The following MACROD2 variants were observed in gnomAD, a reference collection of about 807,000 sequenced individuals.
MACROD2 encodes the protein ADP-ribose glycohydrolase MACROD2.
Under a neutral mutation model 70.4 loss-of-function variants are expected in MACROD2, and 36 were observed. That is an observed-to-expected ratio of 0.51 (90% CI 0.39 to 0.68). MACROD2 has a LOEUF of 0.68. MACROD2 is among the 30% of genes least tolerant of loss of function. The probability of loss-of-function intolerance (pLI) is 0.00; values close to 1 mark genes in which losing one functional copy is unlikely to be tolerated. For missense variants in MACROD2, 496 were observed against 538.4 expected, an observed-to-expected ratio of 0.92 and a Z score of 0.78; for synonymous variants, 172 against 178.8, an observed-to-expected ratio of 0.96 and a Z score of 0.30.
At chr20:14,228,222 G>A (rs1004792371) in intron 3 of MACROD2, among the ~76,000 whole-genome samples, 4 of 151,856 alleles carry the variant, frequency 2.6e-5, no homozygotes, top group Non-Finnish European at 5.9e-5. Flanking sequence ...AGACAATAAA[G>A]CAAGTGAAGT....
chr20:15,031,493 T>A (rs922427054), intron 5 of MACROD2, among the ~76,000 whole-genome samples: 5 of 152,054 alleles, frequency 3.3e-5, no homozygotes, highest in African/African-American at 1.2e-4. Flanking sequence ...ACAGAACAGC[T>A]CTCAGGAAAC....
At chr20:14,869,464 C>A (rs1397393753) in intron 5 of MACROD2, among the ~76,000 whole-genome samples, 1 of 152,108 alleles carries the variant, frequency 6.6e-6, no homozygotes, top group Non-Finnish European at 1.5e-5. Flanking sequence ...CCCACAAAAT[C>A]ATTAGTGATG....
intron 8 of MACROD2, among the ~76,000 whole-genome samples, chr20:15,526,876 G>T (rs568130193): frequency 6.6e-6 from 1 of 152,242 alleles, no homozygotes; most frequent in Non-Finnish European, 1.5e-5. Context: ...GTCAATGAAA[G>T]ATGTGCAGTC....
At position 14,379,202 on chromosome 20, in the gene MACROD2, G is replaced by A. The variant is rs147475386; in HGVS notation, c.272-114277G>A. The stretch of plus-strand genomic sequence containing the variant: ...ATAGGTTAAATAACTTACCAGGGTC[G>A]TATAATTAGAAAGAGGTGGAGCCAC... On this transcript the variant is annotated intron_variant, in intron 3 of 17. Transcript: ENST00000684519. 1.7e-4 allele frequency among the ~76,000 whole-genome samples: 26 copies of A among 152,260 alleles called. No individual in the cohort carries two copies. In the East Asian group the frequency reaches 4.1e-3, roughly 24 times the overall value.
intron 5 of MACROD2, among the ~76,000 whole-genome samples, chr20:15,186,687 T>G (rs1392883890): frequency 6.6e-6 from 1 of 152,188 alleles, no homozygotes; most frequent in Non-Finnish European, 1.5e-5. Flanking sequence ...TTTTTATTGT[T>G]CACTAACTAC....
intron 3 of MACROD2, among the ~76,000 whole-genome samples, chr20:14,424,874 T>C (rs2065636): frequency 0.99 from 150,617 of 152,308 alleles, 74,495 homozygotes; most frequent in East Asian, 1. Context: ...AGTAGATCAT[T>C]TTAGAGGAAC....
At position 14,941,549 on chromosome 20, in the gene MACROD2, A is replaced by C. The variant is rs377568113; in HGVS notation, c.418+256590A>C. Among the ~76,000 whole-genome samples the C allele has an allele frequency of 1.4e-3, 213 of 152,272 alleles. 1 individual carries two copies. The highest frequency in any genetic ancestry group is 4.7e-3 in the African/African-American group (194 of 41,574). On this transcript the variant is annotated intron_variant, in intron 5 of 17. Coordinates refer to ENST00000684519, the MANE Select transcript of MACROD2 (RefSeq NM_001351661.2). ...TGGGAAGAGGTGTCACAGATATGTA[A>C]GTCCAATTCTCTTACTGTCATCTTG... is the stretch of plus-strand genomic sequence containing the variant.
At chr20:15,982,640 A>T (rs11906801) in intron 13 of MACROD2, among the ~76,000 whole-genome samples, 6,135 of 152,208 alleles carry the variant, frequency 0.04, 421 homozygotes, top group African/African-American at 0.14. Context: ...ACCTCTACAC[A>T]GTTTATGTTA....
chr20:15,780,755 G>A (rs74392176), intron 8 of MACROD2, among the ~76,000 whole-genome samples: 2,596 of 151,848 alleles, frequency 0.017, 75 homozygotes, highest in African/African-American at 0.059. Context: ...GGTATCCATA[G>A]AGAGAGAAGT....
intron 5 of MACROD2, among the ~76,000 whole-genome samples, chr20:14,707,675 C>T (rs200743348): frequency 1.3e-5 from 2 of 152,220 alleles, no homozygotes; most frequent in East Asian, 1.9e-4. Flanking sequence ...TTATTTTTGA[C>T]CAGAACCTTA....
chr20:14,847,181 C>T (rs2024900), intron 5 of MACROD2, among the ~76,000 whole-genome samples: 50,141 of 151,954 alleles, frequency 0.33, 9,172 homozygotes, highest in Non-Finnish European at 0.41. Context: ...AAAGTTAATT[C>T]TCATATTCTA....
intron 6 of MACROD2, among the ~76,000 whole-genome samples, chr20:15,294,142 T>A (rs944632139): frequency 8.6e-5 from 11 of 128,498 alleles, no homozygotes; most frequent in Non-Finnish European, 1.1e-4. Context: ...AAAAAAAAAA[T>A]TCAGGAGTTT....
chr20:15,250,370 T>C (rs1321412709), intron 6 of MACROD2, among the ~76,000 whole-genome samples: 3 of 152,222 alleles, frequency 2.0e-5, no homozygotes, highest in Non-Finnish European at 4.4e-5. Flanking sequence ...TCTGCCACAT[T>C]GTTCCACGAT....
intron 3 of MACROD2, among the ~76,000 whole-genome samples, chr20:14,441,782 C>T (rs2084126644): frequency 6.6e-6 from 1 of 152,108 alleles, no homozygotes; most frequent in South Asian, 2.1e-4. Context: ...AAAGACTCAG[C>T]AATATTAAAA....
intron 7 of MACROD2, among the ~76,000 whole-genome samples, chr20:15,443,735 T>C (rs2046525886): frequency 6.6e-6 from 1 of 152,134 alleles, no homozygotes. Flanking sequence ...TAAATCTTAA[T>C]AAATATCTGT....
intron 6 of MACROD2, among the ~76,000 whole-genome samples, chr20:15,309,834 AAG>A (rs1182991108): frequency 6.6e-6 from 1 of 152,242 alleles, no homozygotes; most frequent in Non-Finnish European, 1.5e-5. Context: ...ATTGAAGAAC[AAG>A]AGGAGTTCCT....
chr20:15,952,972 G>A (rs1042990827), intron 12 of MACROD2, among the ~76,000 whole-genome samples: 1 of 151,868 alleles, frequency 6.6e-6, no homozygotes, highest in African/African-American at 2.4e-5. Flanking sequence ...TTTCTGTGGG[G>A]GTTTCTTTTC....
At chr20:14,131,859 C>T (rs1370992648) in intron 3 of MACROD2, among the ~76,000 whole-genome samples, 2 of 151,928 alleles carry the variant, frequency 1.3e-5, no homozygotes, top group African/African-American at 2.4e-5. Flanking sequence ...CGGCCGCGCG[C>T]GGTGGCTCAC....
At chr20:14,382,165 C>T (rs1279116440) in intron 3 of MACROD2, among the ~76,000 whole-genome samples, 1 of 151,298 alleles carries the variant, frequency 6.6e-6, no homozygotes, top group Non-Finnish European at 1.5e-5. Context: ...GGGTTCACGC[C>T]ATTCTTCTGC....
Sources: gnomAD v4.1 joint callset for allele counts (sites outside exome capture counted in the v4.1 genomes callset) on GRCh38, gnomAD v4.1.1 for gene constraint, MANE v1.5 for transcripts, NCBI Gene and HGNC (gene_info 2026-07-23, HGNC 2026-07-21) for gene names.